TMEM117: variants seen among roughly 807,000 people sequenced by gnomAD.
TMEM117 encodes the protein transmembrane protein 117.
In TMEM117, 27 loss-of-function variants were observed where a neutral mutation model predicts 52.4. The observed-to-expected ratio is 0.51, with a 90% CI of 0.38 to 0.71. The LOEUF (loss-of-function observed/expected upper bound fraction) is 0.71. Ranked by LOEUF, TMEM117 falls within the 30% of genes least tolerant of loss-of-function variation. TMEM117 has a pLI of 0.00. For synonymous variants in TMEM117, 215 were observed against 206.3 expected, an observed-to-expected ratio of 1.04 and a Z score of -0.36; for missense variants, 556 against 630.5, an observed-to-expected ratio of 0.88 and a Z score of 1.26.
the TMEM117 span, among the ~76,000 whole-genome samples, chr12:43,801,904 C>T: frequency 6.6e-6 from 1 of 152,140 alleles, no homozygotes; most frequent in Non-Finnish European, 1.5e-5. Context: ...GTGGCACATG[C>T]CTGTAATCCC....
Position 44,189,836 on chromosome 12 carries a change from T to C in TMEM117, c.511-21454T>C, listed in dbSNP as rs73290279. 6.8e-3 allele frequency among the ~76,000 whole-genome samples: 1,038 copies of C among 152,342 alleles called. 15 individuals carry two copies. Among genetic ancestry groups the C allele is most frequent in the African/African-American group, 0.024 (992 of 41,588 alleles). On this transcript the variant is annotated intron_variant, in intron 4 of 7. Transcript: ENST00000266534. ...TAGTTTTATAAATACAAATACATAG[T>C]TTAAGTCATTTCTTCTAAAGTCTTG...
intron 2 of TMEM117, among the ~76,000 whole-genome samples, chr12:43,845,692 C>A (rs890047802): frequency 6.6e-6 from 1 of 151,592 alleles, no homozygotes; most frequent in African/African-American, 2.4e-5. Flanking sequence ...TCCCTCCCCC[C>A]TCCCCCAACC....
chr12:43,885,419 C>CTT lies in TMEM117; in HGVS notation c.277+40501_277+40502dup, dbSNP rs370241455. Among the ~76,000 whole-genome samples the CTT allele has an allele frequency of 8.2e-3, 1,163 of 141,076 alleles. 15 individuals are homozygous for CTT. Among genetic ancestry groups the CTT allele is most frequent in the African/African-American group, 0.026 (1,002 of 39,144 alleles). 92.6% of individuals were successfully genotyped at this position (141,076 alleles called of 152,430 possible). A position where few individuals can be genotyped will look rare whatever the true frequency, so the allele number is the denominator to read the frequency against. ...CCCTATTTTCTTTTTCTTTTCTTTT[C>CTT]TTTTTTTTTTTGATATCCAGATACA... On this transcript the variant is annotated intron_variant, in intron 2 of 7. Coordinates refer to ENST00000266534, the MANE Select transcript of TMEM117 (RefSeq NM_032256.3).
intron 3 of TMEM117, among the ~76,000 whole-genome samples, chr12:44,085,771 A>G (rs530466094): frequency 6.6e-6 from 1 of 152,346 alleles, no homozygotes; most frequent in East Asian, 1.9e-4. Context: ...CTTTATCCCC[A>G]TGCCTGATCA....
chr12:44,242,221 A>T (rs968090215), intron 5 of TMEM117, among the ~76,000 whole-genome samples: 2 of 151,006 alleles, frequency 1.3e-5, no homozygotes, highest in African/African-American at 4.9e-5. Context: ...TGTTGTACAG[A>T]TTTTTTCATC....
intron 3 of TMEM117, among the ~76,000 whole-genome samples, chr12:44,100,261 T>C (rs1947839392): frequency 6.6e-6 from 1 of 151,954 alleles, no homozygotes; most frequent in South Asian, 2.1e-4. Flanking sequence ...TACTAATATG[T>C]GGGATAAGGT....
intron 4 of TMEM117, among the ~76,000 whole-genome samples, chr12:44,156,915 A>G (rs566361878): frequency 9.9e-5 from 15 of 152,212 alleles, no homozygotes; most frequent in African/African-American, 2.4e-4. Context: ...TTACAGAGCA[A>G]CTTTGACTCT....
chr12:43,936,321 G>T (rs1944951446), intron 2 of TMEM117, among the ~76,000 whole-genome samples: 1 of 152,208 alleles, frequency 6.6e-6, no homozygotes, highest in South Asian at 2.1e-4. Context: ...AGTAGATTTA[G>T]GGATGGGATA....
At chr12:43,874,320 C>T (rs1943755586) in intron 2 of TMEM117, among the ~76,000 whole-genome samples, 1 of 152,040 alleles carries the variant, frequency 6.6e-6, no homozygotes, top group Non-Finnish European at 1.5e-5. Context: ...GTGTCTCATG[C>T]CTGTTAGCCC....
chr12:43,976,021 A>G (rs1207174845), intron 3 of TMEM117, among the ~76,000 whole-genome samples: 1 of 152,216 alleles, frequency 6.6e-6, no homozygotes, highest in African/African-American at 2.4e-5. Flanking sequence ...AGAATTACAA[A>G]AAGTATCCAT....
intron 2 of TMEM117, among the ~76,000 whole-genome samples, chr12:43,889,038 A>T (rs192708504): frequency 6.6e-6 from 1 of 150,884 alleles, no homozygotes; most frequent in Non-Finnish European, 1.5e-5. Context: ...GGAGCAGGAG[A>T]TGGTTGCAGG....
intron 4 of TMEM117, among the ~76,000 whole-genome samples, chr12:44,183,631 G>A (rs1172979538): frequency 6.6e-6 from 1 of 152,104 alleles, no homozygotes; most frequent in African/African-American, 2.4e-5. Flanking sequence ...ATGATTTTGT[G>A]CAAGTGAAAG....
At chr12:43,907,890 G>A (rs1190476468) in intron 2 of TMEM117, among the ~76,000 whole-genome samples, 3 of 110,290 alleles carry the variant, frequency 2.7e-5, no homozygotes, top group South Asian at 3.9e-4. Context: ...CAAAAGTGAC[G>A]GGGAGAATGG....
chr12:44,395,123 G>C, the TMEM117 span, among the ~76,000 whole-genome samples: 5 of 152,290 alleles, frequency 3.3e-5, no homozygotes, highest in Admixed American at 3.3e-4. Context: ...TATCAGGAAA[G>C]ATAACTCTAA....
At chr12:43,978,309 A>G (rs1248164128) in intron 3 of TMEM117, among the ~76,000 whole-genome samples, 1 of 152,186 alleles carries the variant, frequency 6.6e-6, no homozygotes, top group Non-Finnish European at 1.5e-5. Context: ...GAAAAAGTGC[A>G]CACAGGGTGG....
At chr12:43,810,401 A>T in the TMEM117 span, among the ~76,000 whole-genome samples, 1 of 152,212 alleles carries the variant, frequency 6.6e-6, no homozygotes, top group Non-Finnish European at 1.5e-5. Context: ...AATAGCATGT[A>T]CAGGAGATAT....
intron 5 of TMEM117, among the ~76,000 whole-genome samples, chr12:44,252,916 T>G (rs991054843): frequency 3.5e-4 from 53 of 152,206 alleles, no homozygotes; most frequent in Admixed American, 7.9e-4. Context: ...GAAGTAAAAT[T>G]TAATGGTTGT....
chr12:43,868,563 C>A (rs1374710481), intron 2 of TMEM117, among the ~76,000 whole-genome samples: 1 of 150,066 alleles, frequency 6.7e-6, no homozygotes, highest in Non-Finnish European at 1.5e-5. Context: ...AATAAACAAC[C>A]CCACCCCACC....
intron 3 of TMEM117, among the ~76,000 whole-genome samples, chr12:44,041,586 G>A (rs760932523): frequency 6.6e-6 from 1 of 152,054 alleles, no homozygotes; most frequent in Non-Finnish European, 1.5e-5. Flanking sequence ...CAGATTGTCA[G>A]CATAGTACCC....
Sources: gnomAD v4.1 joint callset for allele counts (sites outside exome capture counted in the v4.1 genomes callset) on GRCh38, gnomAD v4.1.1 for gene constraint, MANE v1.5 for transcripts, NCBI Gene and HGNC (gene_info 2026-07-23, HGNC 2026-07-21) for gene names.